Variants in R3HDM1 observed in about 807,000 individuals in gnomAD.
The protein encoded by R3HDM1 is R3H domain-containing protein 1.
R3HDM1 carries 46 observed loss-of-function variants against 141.1 expected under a neutral mutation model. The ratio of observed to expected loss-of-function variants is 0.33; its 90% confidence interval spans 0.26 to 0.42. The LOEUF is 0.42. R3HDM1 is among the 10% of genes least tolerant of loss of function. The pLI is 1.00. For synonymous variants in R3HDM1, 435 were observed against 472.9 expected (o/e 0.92, Z 1.04); for missense variants, 1,184 against 1,368.3 (o/e 0.87, Z 2.12).
At chr2:135,603,662 T>C (rs896080469) in intron 2 of R3HDM1, among the ~76,000 whole-genome samples, 1 of 152,208 alleles carries the variant, frequency 6.6e-6, no homozygotes, top group Non-Finnish European at 1.5e-5. Flanking sequence ...AGGTGGAGTC[T>C]AGTGGCGTGA....
At chr2:135,675,512 G>A (rs577370253) in intron 20 of R3HDM1, 26 bp downstream of exon 20, 3 of 1,576,362 alleles carry the variant, frequency 1.9e-6, no homozygotes, top group South Asian at 2.3e-5. Context: ...TATGTACTTT[G>A]GGTAGAGATG....
intron 19 of R3HDM1, chr2:135,667,879 A>C: frequency 1.9e-6 from 1 of 531,518 alleles, no homozygotes; most frequent in Non-Finnish European, 2.4e-6. Flanking sequence ...CTAACCTACA[A>C]TGCCACTTCT....
At chr2:135,539,243 A>G (rs189797788) in intron 1 of R3HDM1, among the ~76,000 whole-genome samples, 112 of 152,174 alleles carry the variant, frequency 7.4e-4, no homozygotes, top group Non-Finnish European at 1.5e-3. Context: ...AAATGCATAA[A>G]TCAGTATCAT....
In R3HDM1 at chr2:135,724,395, A is replaced by T. The variant is rs554859411; in HGVS notation, c.*103A>T. ...TGTTAACATTATAGAGACTCCTAGG[A>T]TGTGTGTTCATGGCATTATAGCTTT... On this transcript the variant is annotated 3_prime_UTR_variant, in exon 27 of 27. Coordinates refer to ENST00000683871, the MANE Select transcript of R3HDM1 (RefSeq NM_001378107.1). 38 of 857,798 alleles carry T rather than the reference A, an allele frequency of 4.4e-5. No homozygotes were observed. In the African/African-American group the frequency reaches 6.1e-4, roughly 14 times the overall value. 53.1% of individuals were successfully genotyped at this position (857,798 alleles called of 1,614,324 possible). A position where few individuals can be genotyped will look rare whatever the true frequency, so the allele number is the denominator to read the frequency against.
intron 21 of R3HDM1, among the ~76,000 whole-genome samples, chr2:135,683,415 G>A (rs6722964): frequency 0.011 from 1,698 of 151,972 alleles, 36 homozygotes; most frequent in African/African-American, 0.039. Context: ...TTAGCCGGGC[G>A]CGGTGGTGGG....
chr2:135,708,085 A>G (rs2075163980), intron 21 of R3HDM1, among the ~76,000 whole-genome samples: 2 of 152,222 alleles, frequency 1.3e-5, no homozygotes, highest in African/African-American at 4.8e-5. Context: ...ATCTGTTTTC[A>G]TATAAATCTC....
Position 135,651,903 on chromosome 2 carries a change from A to G in R3HDM1, c.1899A>G (p.Pro633=). The G allele has an allele frequency of 6.4e-7, 1 of 1,550,968 alleles. No homozygotes were observed. The change falls in exon 18 of 27, where the codon CCA becomes CCG. Residue 633 remains proline (P), a synonymous_variant. Coordinates refer to ENST00000683871, the MANE Select transcript of R3HDM1 (RefSeq NM_001378107.1). The part of the protein sequence containing the change: ...APPPHPPPPP[P]PPPPPPPLPP... Reference sequence around the variant, plus strand: ...CACCACATCCTCCTCCACCGCCACCACCACCACCTCCTCCTCCTCCCCTAC... The same window carrying G: ...CACCACATCCTCCTCCACCGCCACCGCCACCACCTCCTCCTCCTCCCCTAC...
At chr2:135,653,161 GC>G (rs1323135810) in intron 18 of R3HDM1, among the ~76,000 whole-genome samples, 1 of 151,766 alleles carries the variant, frequency 6.6e-6, no homozygotes, top group Non-Finnish European at 1.5e-5. Flanking sequence ...TTCGTGACCA[GC>G]CTGGCCAACA....
At chr2:135,631,657 G>T in intron 7 of R3HDM1, 61 bp from the exon 8 acceptor site, 2 of 1,374,948 alleles carry the variant, frequency 1.5e-6, no homozygotes, top group South Asian at 3.0e-5. Context: ...ATAGGCTGTT[G>T]ACATTTGTGA....
At chr2:135,715,255 C>A (rs2076051951) in intron 23 of R3HDM1, among the ~76,000 whole-genome samples, 1 of 152,004 alleles carries the variant, frequency 6.6e-6, no homozygotes, top group Non-Finnish European at 1.5e-5. Context: ...GGGACTGAGG[C>A]AGGAGGCTCA....
At position 135,625,064 on chromosome 2, in the gene R3HDM1, G is replaced by T. The variant is rs191327015; in HGVS notation, c.497+2332G>T. On this transcript the variant is annotated intron_variant, in intron 7 of 26. Coordinates refer to ENST00000683871, the MANE Select transcript of R3HDM1 (RefSeq NM_001378107.1). ...GATCTCGCCACTGCCCTCCAGCCTG[G>T]ACTCCATCTCTAAAGAGAGAGAGAG... 3.9e-5 allele frequency among the ~76,000 whole-genome samples: 6 copies of T among 152,244 alleles called. No individual in the cohort carries two copies. In the East Asian group the frequency reaches 1.2e-3, roughly 29 times the overall value.
chr2:135,699,271 T>C (rs2073902845), intron 21 of R3HDM1, among the ~76,000 whole-genome samples: 1 of 152,118 alleles, frequency 6.6e-6, no homozygotes, highest in African/African-American at 2.4e-5. Flanking sequence ...AGCGTTGAAT[T>C]GGATTCGTAT....
At position 135,721,977 on chromosome 2, in the gene R3HDM1, G is replaced by T. The variant is rs765645125; in HGVS notation, c.2935G>T (p.Val979Phe). ...GCCACTGCAGTACAATCCTCCTGCT[G>T]TTCTGCACGGACACATTCCAAACCA... ...GQPLQYNPPA[V>F]LHGHIPNQQG... The change falls in exon 25 of 27, where the codon GTT (valine) becomes TTT (phenylalanine). Residue 979 changes from valine (V) to phenylalanine (F), a missense_variant. Val to Phe is a conservative substitution (Grantham distance 50). Transcript: ENST00000683871. The T allele has an allele frequency of 1.1e-5, 17 of 1,613,870 alleles. No individual in the cohort carries two copies. The Admixed American group carries it at 2.7e-4, about 25-fold the overall frequency.
At chr2:135,632,776 G>A (rs1171989137) in intron 9 of R3HDM1, among the ~76,000 whole-genome samples, 2 of 152,208 alleles carry the variant, frequency 1.3e-5, no homozygotes, top group Non-Finnish European at 2.9e-5. Flanking sequence ...ATATGAGGCA[G>A]CAACAAGTCT....
At chr2:135,562,287 T>A (rs1030839906) in intron 1 of R3HDM1, among the ~76,000 whole-genome samples, 1 of 152,180 alleles carries the variant, frequency 6.6e-6, no homozygotes, top group Admixed American at 6.5e-5. Context: ...TTGACCATCA[T>A]CCCCAAAGCT....
chr2:135,715,485 A>G, intron 23 of R3HDM1, 65 bp from the exon 24 acceptor site: 1 of 1,524,674 alleles, frequency 6.6e-7, no homozygotes, highest in Non-Finnish European at 8.9e-7. Flanking sequence ...ATATGTAATC[A>G]GGAAGAATAA....
intron 1 of R3HDM1, among the ~76,000 whole-genome samples, chr2:135,575,041 C>T (rs896162187): frequency 6.6e-6 from 1 of 152,126 alleles, no homozygotes; most frequent in East Asian, 1.9e-4. Flanking sequence ...TATATGATAA[C>T]GGGTTGAGCA....
chr2:135,642,465 C>A (rs749383911), intron 15 of R3HDM1, among the ~76,000 whole-genome samples: 1 of 152,068 alleles, frequency 6.6e-6, no homozygotes, highest in Non-Finnish European at 1.5e-5. Flanking sequence ...AGAAACTGAA[C>A]CTCAGAGAGG....
chr2:135,723,282 C>A (rs2076872030), intron 26 of R3HDM1, among the ~76,000 whole-genome samples: 1 of 151,668 alleles, frequency 6.6e-6, no homozygotes, highest in Non-Finnish European at 1.5e-5. Flanking sequence ...CCAGCACGCC[C>A]AGCTAATTTT....
Sources: allele counts gnomAD v4.1 joint callset (sites outside exome capture counted in the v4.1 genomes callset), GRCh38; gene constraint gnomAD v4.1.1; transcripts MANE v1.5; gene names NCBI Gene and HGNC (gene_info 2026-07-23, HGNC 2026-07-21).